Variants in EYS observed in about 807,000 individuals in gnomAD.
EYS encodes protein eyes shut homolog.
A neutral mutation model predicts 282.1 loss-of-function variants in EYS; 250 were observed. The observed-to-expected ratio is 0.89, with a 90% CI of 0.80 to 0.98. The LOEUF is 0.98. EYS is among the 50% of genes least tolerant of loss of function. EYS has a pLI of 0.00. For synonymous variants in EYS, 1,355 were observed against 1,282.9 expected, an observed-to-expected ratio of 1.06 and a Z score of -1.20; for missense variants, 4,016 against 3,709.0, an observed-to-expected ratio of 1.08 and a Z score of -2.15.
chr6:65,563,937 G>C (rs901450250), intron 2 of EYS, among the ~76,000 whole-genome samples: 2 of 152,002 alleles, frequency 1.3e-5, no homozygotes, highest in African/African-American at 4.8e-5. Flanking sequence ...AAAGTGTCAA[G>C]GTACAAAATC....
chr6:65,433,516 G>A (rs1582284908), intron 5 of EYS, among the ~76,000 whole-genome samples: 1 of 152,198 alleles, frequency 6.6e-6, no homozygotes, highest in East Asian at 1.9e-4. Context: ...ATTAATCATG[G>A]AAATAATTAA....
At chr6:63,945,309 T>C (rs1765362857) in intron 35 of EYS, among the ~76,000 whole-genome samples, 1 of 152,034 alleles carries the variant, frequency 6.6e-6, no homozygotes. Context: ...CCATCAGATC[T>C]TGTGAGAACT....
intron 12 of EYS, among the ~76,000 whole-genome samples, chr6:65,128,844 C>G (rs1258989687): frequency 2.0e-5 from 3 of 151,904 alleles, no homozygotes; most frequent in African/African-American, 4.8e-5. Context: ...AATAGAAGAG[C>G]CTGAATGGCC....
chr6:64,836,134 A>G (rs1765374631), intron 19 of EYS, among the ~76,000 whole-genome samples: 1 of 151,326 alleles, frequency 6.6e-6, no homozygotes, highest in African/African-American at 2.4e-5. Flanking sequence ...ACATACATAC[A>G]TTGGCACTTT....
At chr6:64,145,686 A>G (rs1323018107) in intron 31 of EYS, among the ~76,000 whole-genome samples, 1 of 152,152 alleles carries the variant, frequency 6.6e-6, no homozygotes, top group Non-Finnish European at 1.5e-5. Flanking sequence ...GCATTTTTAA[A>G]TTAAGATTTT....
intron 12 of EYS, among the ~76,000 whole-genome samples, chr6:65,069,152 G>A (rs1379751931): frequency 1.3e-5 from 2 of 151,844 alleles, no homozygotes; most frequent in African/African-American, 2.4e-5. Context: ...TTGAAGTTTT[G>A]GGGGATTCAG....
At chr6:65,053,320 T>C (rs967187347) in intron 13 of EYS, among the ~76,000 whole-genome samples, 4 of 151,836 alleles carry the variant, frequency 2.6e-5, no homozygotes, top group African/African-American at 9.7e-5. Context: ...ATGTATTTGC[T>C]AAACAGTCAC....
intron 12 of EYS, among the ~76,000 whole-genome samples, chr6:65,278,940 G>A (rs963959103): frequency 6.6e-6 from 1 of 152,056 alleles, no homozygotes; most frequent in Admixed American, 6.6e-5. Flanking sequence ...TGTAATCCCA[G>A]CACTTTGGGA....
intron 31 of EYS, among the ~76,000 whole-genome samples, chr6:64,169,431 G>T (rs1221118077): frequency 8.5e-5 from 12 of 140,966 alleles, no homozygotes; most frequent in African/African-American, 3.3e-4. Context: ...TTGAGGAGGA[G>T]TTTTTTTTTT....
intron 8 of EYS, among the ~76,000 whole-genome samples, chr6:65,364,283 A>C (rs1436146208): frequency 2.0e-5 from 3 of 150,882 alleles, no homozygotes; most frequent in African/African-American, 7.3e-5. Context: ...TTATGGTAGA[A>C]CATTGATTAG....
chr6:64,287,993 C>T (rs1768558421), intron 30 of EYS, among the ~76,000 whole-genome samples: 1 of 152,068 alleles, frequency 6.6e-6, no homozygotes, highest in South Asian at 2.1e-4. Flanking sequence ...TTACAAAACA[C>T]TACAAGTAAA....
intron 15 of EYS, among the ~76,000 whole-genome samples, chr6:64,917,158 A>C (rs2150079354): frequency 6.6e-6 from 1 of 152,074 alleles, no homozygotes; most frequent in African/African-American, 2.4e-5. Context: ...CTGAAGCAGG[A>C]GAATTGCTTG....
intron 12 of EYS, among the ~76,000 whole-genome samples, chr6:65,150,262 T>C (rs1385810887): frequency 2.0e-5 from 3 of 152,094 alleles, no homozygotes; most frequent in Non-Finnish European, 1.5e-5. Flanking sequence ...TTACTTTTTT[T>C]CCCCTTTTTT....
intron 1 of EYS, among the ~76,000 whole-genome samples, chr6:65,670,403 T>TA (rs1244692916): frequency 6.6e-6 from 1 of 152,022 alleles, no homozygotes; most frequent in Admixed American, 6.6e-5. Flanking sequence ...AACATTCTGT[T>TA]AAGGTTTCCT....
intron 12 of EYS, among the ~76,000 whole-genome samples, chr6:65,094,592 G>A (rs2150179842): frequency 6.6e-6 from 1 of 150,986 alleles, no homozygotes; most frequent in East Asian, 1.9e-4. Context: ...AAAAAGAAAA[G>A]GTAAGTAAAT....
At chr6:64,658,102 A>G (rs532194139) in intron 22 of EYS, among the ~76,000 whole-genome samples, 6 of 152,144 alleles carry the variant, frequency 3.9e-5, no homozygotes, top group African/African-American at 1.4e-4. Context: ...CATTTCATTC[A>G]TTTGATCTTC....
chr6:64,887,161 T>C (rs1767119021), intron 18 of EYS, among the ~76,000 whole-genome samples: 2 of 151,336 alleles, frequency 1.3e-5, no homozygotes, highest in South Asian at 4.2e-4. Context: ...ACCATCATTC[T>C]CAGCAAACTA....
chr6:65,561,718 A>G (rs1769066723), intron 2 of EYS, among the ~76,000 whole-genome samples: 1 of 152,076 alleles, frequency 6.6e-6, no homozygotes, highest in Non-Finnish European at 1.5e-5. Context: ...AGGGCTGTCA[A>G]CGGTTTTTCA....
At chr6:65,593,705 A>AT (rs1319149103) in intron 2 of EYS, among the ~76,000 whole-genome samples, 1 of 151,824 alleles carries the variant, frequency 6.6e-6, no homozygotes, top group East Asian at 1.9e-4. Flanking sequence ...CCACGATATT[A>AT]TTTTTTTATT....
Sources: gnomAD v4.1 joint callset for allele counts (sites outside exome capture counted in the v4.1 genomes callset) on GRCh38, gnomAD v4.1.1 for gene constraint, MANE v1.5 for transcripts, NCBI Gene and HGNC (gene_info 2026-07-23, HGNC 2026-07-21) for gene names.